RLIM: variants seen among roughly 807,000 people sequenced by gnomAD.
RLIM encodes ring finger protein, LIM domain interacting.
In RLIM, 2 loss-of-function variants were observed where a neutral mutation model predicts 34.0. The ratio of observed to expected loss-of-function variants is 0.06; its 90% CI spans 0.02 to 0.19. The LOEUF is 0.19. RLIM is among the 10% of genes least tolerant of loss of function. The probability of loss-of-function intolerance (pLI) is 1.00; values close to 1 mark genes in which losing one functional copy is unlikely to be tolerated. For synonymous variants in RLIM, 169 were observed against 164.0 expected, an observed-to-expected ratio of 1.03 and a Z score of -0.23; for missense variants, 286 against 479.7, an observed-to-expected ratio of 0.60 and a Z score of 3.77.
At chrX:74,607,268 A>G (rs2079686649) in intron 1 of RLIM, among the ~76,000 whole-genome samples, 1 of 112,387 alleles carries the variant, frequency 8.9e-6, no homozygotes, top group Non-Finnish European at 1.9e-5. Flanking sequence ...CCTTGTGCAT[A>G]TGTGTTCATT....
chrX:74,591,825 T>C lies in RLIM; in HGVS notation c.1490A>G (p.Asn497Ser), dbSNP rs2147371855. The C allele has an allele frequency of 8.3e-7, 1 of 1,209,651 alleles. No individual in the cohort carries two copies. Among genetic ancestry groups the C allele is most frequent in the East Asian group, 3.0e-5 (1 of 33,759 alleles). Residue 497 changes from asparagine to serine, a missense_variant, in exon 4 of 4, where the codon AAT becomes AGT. By Grantham distance (46) the Asn-to-Ser change is conservative (BLOSUM62 1). Around this residue, in one of 6 missense-constraint regions of RLIM, gnomAD observed 69 missense variants for 83.5 expected, o/e 0.83. Transcript: ENST00000332687. The stretch of plus-strand genomic sequence containing the variant: ...TGAGCCTGATGATGAGCTTCCTTCA[T>C]TACTGCCTTCAAATAAATCTGAGCT... ...ETSSDLFEGS[N>S]EGSSSSGSSG...
chrX:74,591,445 C>A lies in RLIM; in HGVS notation c.1870G>T (p.Val624Leu). The change falls in exon 4 of 4, where the codon GTG becomes TTG. Residue 624 changes from valine (V) to leucine (L), a missense_variant. Coordinates refer to ENST00000332687, the MANE Select transcript of RLIM (RefSeq NM_016120.4). ...GCTGAGAGTTCAGATCTTAATTACA[C>A]AACACTTTCTCTGTTACCAGAAGCT... ...VLASGNRESVV is the reference protein window; with the variant it reads ...VLASGNRESVL 8.3e-7 allele frequency: 1 copy of A among 1,204,781 alleles called. No individual in the cohort carries two copies. The highest frequency in any genetic ancestry group is 1.7e-5 in the African/African-American group (1 of 57,728).
intron 1 of RLIM, among the ~76,000 whole-genome samples, chrX:74,610,828 T>G (rs113913764): frequency 0.085 from 9,308 of 109,411 alleles, 330 homozygotes; most frequent in Admixed American, 0.13. Flanking sequence ...AGGTGGAGGT[T>G]GCAGTGAGCC....
chrX:74,595,138 G>A (rs2079634753), intron 2 of RLIM, among the ~76,000 whole-genome samples: 1 of 111,645 alleles, frequency 9.0e-6, no homozygotes. Context: ...CGACAGACTG[G>A]CTTGCCAGGA....
At chrX:74,607,492 C>G (rs955037130) in intron 1 of RLIM, among the ~76,000 whole-genome samples, 8 of 112,963 alleles carry the variant, frequency 7.1e-5, no homozygotes, top group Middle Eastern at 4.6e-3. Context: ...GGCGGATCAC[C>G]TGAGGTCAGG....
At chrX:74,610,175 G>A (rs1381493058) in intron 1 of RLIM, among the ~76,000 whole-genome samples, 1 of 112,267 alleles carries the variant, frequency 8.9e-6, no homozygotes, top group Non-Finnish European at 1.9e-5. Flanking sequence ...CCTGTACTTT[G>A]GGAGGCCAAG....
chrX:74,609,273 G>A (rs1181623717), intron 1 of RLIM, among the ~76,000 whole-genome samples: 1 of 109,532 alleles, frequency 9.1e-6, no homozygotes, highest in Non-Finnish European at 1.9e-5. Flanking sequence ...AGATCACAAG[G>A]TCAAGAGATC....
chrX:74,608,067 G>A lies in RLIM; in HGVS notation c.-24+6355C>T, dbSNP rs1019591211. On this transcript the variant is annotated intron_variant, in intron 1 of 3. Coordinates refer to ENST00000332687, the MANE Select transcript of RLIM (RefSeq NM_016120.4). ...TCTTTTTTTATTCTACACATGGGTA[G>A]CAGGGTGAAACTCAGCTCTGTGAAA... Among the ~76,000 whole-genome samples, 8 of 111,687 alleles carry A rather than the reference G, an allele frequency of 7.2e-5. No individual in the cohort carries two copies. In the Admixed American group the frequency reaches 7.6e-4, roughly 11 times the overall value.
At chrX:74,593,541 G>A (rs923796324) in intron 3 of RLIM, among the ~76,000 whole-genome samples, 1 of 112,574 alleles carries the variant, frequency 8.9e-6, no homozygotes, top group Non-Finnish European at 1.9e-5. Context: ...ACTATTTATT[G>A]TAGCCATAAG....
At chrX:74,603,646 A>T (rs1224417820) in intron 1 of RLIM, among the ~76,000 whole-genome samples, 1 of 111,908 alleles carries the variant, frequency 8.9e-6, no homozygotes, top group African/African-American at 3.2e-5. Context: ...TCCAATGTGA[A>T]CACTGAGTTC....
chrX:74,605,970 A>T (rs1490840658), intron 1 of RLIM, among the ~76,000 whole-genome samples: 11 of 111,854 alleles, frequency 9.8e-5, no homozygotes, highest in Non-Finnish European at 5.6e-5. Context: ...TCAACTTTTC[A>T]CTAAGACAAC....
intron 1 of RLIM, among the ~76,000 whole-genome samples, chrX:74,610,191 C>T (rs771804953): frequency 1.1e-4 from 12 of 111,687 alleles, no homozygotes; most frequent in Non-Finnish European, 2.1e-4. Context: ...CCAAGGCGGG[C>T]GGATCACCTG....
At position 74,594,493 on chromosome X, in the gene RLIM, T is replaced by A. The variant is rs778596143; in HGVS notation, c.170-104A>T. On this transcript the variant is annotated intron_variant, in intron 2 of 3. Coordinates refer to ENST00000332687, the MANE Select transcript of RLIM (RefSeq NM_016120.4). ...TGACACAAGATGATTAGAAAAAAAA[T>A]CATATTTTTAAAAGAGAAAACTTTT... The A allele has an allele frequency of 7.4e-4, 391 of 531,766 alleles. 1 individual carries two copies. Among genetic ancestry groups the A allele is most frequent in the Admixed American group, 1.4e-3 (31 of 21,781 alleles). 43.8% of individuals were successfully genotyped at this position (531,766 alleles called of 1,213,427 possible). A position where few individuals can be genotyped will look rare whatever the true frequency, so the allele number is the denominator to read the frequency against.
At position 74,583,994 on chromosome X, in the gene RLIM, A is replaced by C. The variant is rs1931284339; in HGVS notation, c.*7446T>G. On this transcript the variant is annotated 3_prime_UTR_variant, in exon 4 of 4. Coordinates refer to ENST00000332687, the MANE Select transcript of RLIM (RefSeq NM_016120.4). ...CCAGAGGCAGAGGTTGCAGTGAGCC[A>C]AGATCGCACCATTGCACTCCAGCCT... 8.9e-6 allele frequency among the ~76,000 whole-genome samples: 1 copy of C among 111,779 alleles called. No individual in the cohort carries two copies. Among genetic ancestry groups the C allele is most frequent in the African/African-American group, 3.3e-5 (1 of 30,686 alleles).
chrX:74,603,942 C>T (rs1389417108), intron 1 of RLIM, among the ~76,000 whole-genome samples: 1 of 109,968 alleles, frequency 9.1e-6, no homozygotes, highest in African/African-American at 3.3e-5. Flanking sequence ...AACCCCGTCT[C>T]TACTAAAAAT....
At position 74,590,416 on chromosome X, in the gene RLIM, C is replaced by T. The variant is rs1190964261; in HGVS notation, c.*1024G>A. ...ACTGTCTTCAGGAAAACTTTAAATT[C>T]TTCAGTTTTCTTTACTCCTCCCATA... On this transcript the variant is annotated 3_prime_UTR_variant, in exon 4 of 4. Transcript: ENST00000332687. The T allele has an allele frequency of 8.9e-6, 1 of 112,240 alleles. No homozygotes were observed. The highest frequency in any genetic ancestry group is 1.9e-5 in the Non-Finnish European group (1 of 53,197). 9.2% of individuals were successfully genotyped at this position (112,240 alleles called of 1,213,427 possible).
rs767442977 is a variant in RLIM, at chrX:74,590,852, C to T, written c.*588G>A. 1 of 113,051 alleles carries T rather than the reference C, an allele frequency of 8.8e-6. No individual in the cohort carries two copies. Among genetic ancestry groups the T allele is most frequent in the East Asian group, 2.8e-4 (1 of 3,588 alleles). 9.3% of individuals were successfully genotyped at this position (113,051 alleles called of 1,213,427 possible). A position where few individuals can be genotyped will look rare whatever the true frequency, so the allele number is the denominator to read the frequency against. ...TCAATTAAACTATAAGCTCACTCTACAGTGTGCCACAGTGATGGGCTTAGG... is the reference window on the plus strand; with the variant it reads ...TCAATTAAACTATAAGCTCACTCTATAGTGTGCCACAGTGATGGGCTTAGG... On this transcript the variant is annotated 3_prime_UTR_variant, in exon 4 of 4. Transcript: ENST00000332687.
chrX:74,583,695 C>G lies in RLIM; in HGVS notation c.*7745G>C. On this transcript the variant is annotated 3_prime_UTR_variant, in exon 4 of 4. Transcript: ENST00000332687. ...GTGCTAAGGTGTATCTGGTAATGCC[C>G]AGTGCTTTACTGAATTTACAGTATA... 2.9e-6 allele frequency: 1 copy of G among 348,694 alleles called. No homozygotes were observed. Among genetic ancestry groups the G allele is most frequent in the Non-Finnish European group, 5.0e-6 (1 of 200,038 alleles). 28.7% of individuals were successfully genotyped at this position (348,694 alleles called of 1,213,427 possible). A position where few individuals can be genotyped will look rare whatever the true frequency, so the allele number is the denominator to read the frequency against.
Position 74,602,297 on chromosome X carries a change from C to T in RLIM, c.-23-6297G>A, listed in dbSNP as rs183748490. Among the ~76,000 whole-genome samples the T allele has an allele frequency of 4.5e-5, 5 of 111,362 alleles. No homozygotes were observed. In the East Asian group the frequency reaches 1.4e-3, roughly 31 times the overall value. Reference sequence around the variant, plus strand: ...TCTTGGCAATTCACATGAAAGATACCTCAAGTTTTTGGCTAACACAAGCTC... The same window carrying T: ...TCTTGGCAATTCACATGAAAGATACTTCAAGTTTTTGGCTAACACAAGCTC... On this transcript the variant is annotated intron_variant, in intron 1 of 3. Coordinates refer to ENST00000332687, the MANE Select transcript of RLIM (RefSeq NM_016120.4).
Sources: gnomAD v4.1 joint callset for allele counts (sites outside exome capture counted in the v4.1 genomes callset) on GRCh38, gnomAD v4.1.1 for gene constraint, gnomAD v4.1.1 regional missense constraint, MANE v1.5 for transcripts, NCBI Gene and HGNC (gene_info 2026-07-23, HGNC 2026-07-21) for gene names.